Variants in MYT1L observed in about 807,000 individuals in gnomAD.
The protein encoded by MYT1L is myelin transcription factor 1-like protein.
A neutral mutation model predicts 126.7 loss-of-function variants in MYT1L; 12 were observed. The observed-to-expected ratio is 0.09, with a 90% CI of 0.06 to 0.15. The LOEUF (loss-of-function observed/expected upper bound fraction) is 0.15. MYT1L is among the 10% of genes least tolerant of loss of function. The probability of loss-of-function intolerance (pLI) is 1.00; values close to 1 mark genes in which losing one functional copy is unlikely to be tolerated. For missense variants in MYT1L, 979 were observed against 1,585.2 expected (o/e 0.62, Z 6.49); for synonymous variants, 541 against 604.2 (o/e 0.90, Z 1.53).
At chr2:1,907,943 C>T (rs1020859750) in intron 13 of MYT1L, among the ~76,000 whole-genome samples, 3 of 152,254 alleles carry the variant, frequency 2.0e-5, no homozygotes, top group East Asian at 1.9e-4. Context: ...CAGCACCCAG[C>T]GCCTCCCTGA....
chr2:2,283,302 T>C (rs2095475843), intron 2 of MYT1L, among the ~76,000 whole-genome samples: 1 of 152,226 alleles, frequency 6.6e-6, no homozygotes, highest in Admixed American at 6.5e-5. Context: ...TATTTTAATA[T>C]TCTAATGTTT....
At chr2:1,981,665 A>T (rs2060619245) in intron 5 of MYT1L, among the ~76,000 whole-genome samples, 1 of 152,204 alleles carries the variant, frequency 6.6e-6, no homozygotes, top group Admixed American at 6.5e-5. Flanking sequence ...AGCTGAATAG[A>T]CAGCTGCTGG....
chr2:1,795,234 C>T (rs1272940424), intron 23 of MYT1L, among the ~76,000 whole-genome samples: 3 of 152,208 alleles, frequency 2.0e-5, no homozygotes, highest in Admixed American at 1.3e-4. Flanking sequence ...TCCTTGCCCA[C>T]AACATCAACT....
chr2:2,206,755 C>T (rs1248583681), intron 2 of MYT1L, among the ~76,000 whole-genome samples: 2 of 152,226 alleles, frequency 1.3e-5, no homozygotes, highest in African/African-American at 4.8e-5. Context: ...CTCCTGTTAG[C>T]AGATTCTGTA....
intron 3 of MYT1L, among the ~76,000 whole-genome samples, chr2:2,094,760 C>G (rs971404465): frequency 2.0e-5 from 2 of 100,992 alleles, no homozygotes; most frequent in South Asian, 6.6e-4. Context: ...CATCACACAC[C>G]GGGGCCTGCT....
At chr2:2,166,791 C>T (rs1043270996) in intron 3 of MYT1L, among the ~76,000 whole-genome samples, 16 of 152,180 alleles carry the variant, frequency 1.1e-4, no homozygotes, top group African/African-American at 3.9e-4. Flanking sequence ...TAGTAACCCC[C>T]ACATAAAAAC....
intron 4 of MYT1L, among the ~76,000 whole-genome samples, chr2:2,003,742 G>A (rs1001827617): frequency 6.6e-6 from 1 of 152,148 alleles, no homozygotes; most frequent in Non-Finnish European, 1.5e-5. Flanking sequence ...CTCCATGTCT[G>A]CACGCCTTCC....
At chr2:2,168,884 A>G (rs191196654) in intron 3 of MYT1L, among the ~76,000 whole-genome samples, 1 of 152,324 alleles carries the variant, frequency 6.6e-6, no homozygotes, top group Admixed American at 6.5e-5. Context: ...GAGCCAGGTG[A>G]TGCAGTTGGT....
chr2:2,208,288 T>G (rs1035480335), intron 2 of MYT1L, among the ~76,000 whole-genome samples: 1 of 152,220 alleles, frequency 6.6e-6, no homozygotes, highest in African/African-American at 2.4e-5. Context: ...TACTCTGTTT[T>G]AAAAGTCACT....
At position 1,979,217 on chromosome 2, in the gene MYT1L, G is replaced by C; in HGVS notation, c.100C>G (p.Pro34Ala). 1.2e-6 allele frequency: 2 copies of C among 1,613,890 alleles called. No homozygotes were observed. Among genetic ancestry groups the C allele is most frequent in the Non-Finnish European group, 1.7e-6 (2 of 1,179,874 alleles). Residue 34 changes from proline (P) to alanine (A), a missense_variant, in exon 8 of 25, where the codon CCT becomes GCT. Around this residue, in one of 12 missense-constraint regions of MYT1L, gnomAD observed 50 missense variants for 48.6 expected, o/e 1.03. Coordinates refer to ENST00000647738, the MANE Select transcript of MYT1L (RefSeq NM_001303052.2). The surrounding 1 kb of genome is among the most constrained non-coding windows in gnomAD (Gnocchi z 4.0). ...AIQELFSCPT[P>A]GCDGSGHVSG... ...ACATGACCACTGCCGTCACAGCCAGGGGTGGGACAGCTGCAACAGGAAAGA... is the reference window on the plus strand; with the variant it reads ...ACATGACCACTGCCGTCACAGCCAGCGGTGGGACAGCTGCAACAGGAAAGA...
intron 2 of MYT1L, among the ~76,000 whole-genome samples, chr2:2,186,611 G>A (rs74561833): frequency 0.023 from 3,479 of 152,164 alleles, 61 homozygotes; most frequent in Middle Eastern, 0.058. Flanking sequence ...CTGCAGACCC[G>A]TCAACCATCC....
intron 3 of MYT1L, among the ~76,000 whole-genome samples, chr2:2,056,181 A>C (rs1169730892): frequency 6.6e-6 from 1 of 152,170 alleles, no homozygotes; most frequent in East Asian, 1.9e-4. Flanking sequence ...TTCCCAGGTG[A>C]AACAGCAAAG....
chr2:1,984,074 G>C (rs116108037), intron 5 of MYT1L, among the ~76,000 whole-genome samples: 1 of 152,198 alleles, frequency 6.6e-6, no homozygotes, highest in Non-Finnish European at 1.5e-5. Flanking sequence ...TTCATGAAGA[G>C]AGAGCAGGTG....
At chr2:2,024,361 G>A (rs2065320268) in intron 4 of MYT1L, among the ~76,000 whole-genome samples, 2 of 152,150 alleles carry the variant, frequency 1.3e-5, no homozygotes. Context: ...CCCAGTGCAG[G>A]TGCACACTCT....
At chr2:1,988,478 C>T (rs1193208487) in intron 5 of MYT1L, among the ~76,000 whole-genome samples, 4 of 152,242 alleles carry the variant, frequency 2.6e-5, no homozygotes, top group African/African-American at 7.2e-5. Flanking sequence ...TTGTCAGTGG[C>T]AGCCCCTTCA....
Position 1,829,464 on chromosome 2 carries a change from C to T in MYT1L, c.3080+9685G>A, listed in dbSNP as rs1572630799. On this transcript the variant is annotated intron_variant, in intron 21 of 24. Transcript: ENST00000647738. Reference sequence around the variant, plus strand: ...ACTGACCCTCCCATACACCTGTGAACTGACCCTCCCATACACCTGTGAACT... The same window carrying T: ...ACTGACCCTCCCATACACCTGTGAATTGACCCTCCCATACACCTGTGAACT... Among the ~76,000 whole-genome samples, 3 of 6,676 alleles carry T rather than the reference C, an allele frequency of 4.5e-4. 1 individual carries two copies. The allele number at this position is 6,676 out of a possible 152,430, so 4.4% of individuals were successfully genotyped here.
chr2:2,165,971 AGTTTT>A (rs2089041062), intron 3 of MYT1L, among the ~76,000 whole-genome samples: 15 of 151,376 alleles, frequency 9.9e-5, no homozygotes, highest in South Asian at 6.3e-4. Flanking sequence ...TACTTTGTAA[AGTTTT>A]AAAGTACAGA....
intron 21 of MYT1L, among the ~76,000 whole-genome samples, chr2:1,818,976 G>A (rs180893297): frequency 2.7e-3 from 417 of 152,236 alleles, no homozygotes; most frequent in Non-Finnish European, 4.5e-3. Flanking sequence ...GTGGGTGGCC[G>A]TGTGACCACC....
At chr2:1,996,940 C>A (rs2061924088) in intron 5 of MYT1L, among the ~76,000 whole-genome samples, 1 of 142,072 alleles carries the variant, frequency 7.0e-6, no homozygotes, top group Non-Finnish European at 1.5e-5. Flanking sequence ...GTGAGGGCTG[C>A]CCTGCCTCAG....
Sources: gnomAD v4.1 joint callset for allele counts (sites outside exome capture counted in the v4.1 genomes callset) on GRCh38, gnomAD v4.1.1 for gene constraint, gnomAD v4.1.1 regional missense constraint, Gnocchi (gnomAD v3.1) non-coding constraint, MANE v1.5 for transcripts, NCBI Gene and HGNC (gene_info 2026-07-23, HGNC 2026-07-21) for gene names.